The following PRKAG2 variants were observed in gnomAD, a reference collection of about 807,000 sequenced individuals.
PRKAG2 encodes protein kinase AMP-activated non-catalytic subunit gamma 2, also known as 5'-AMP-activated protein kinase subunit gamma-2.
Under a neutral mutation model 69.6 loss-of-function variants are expected in PRKAG2, and 26 were observed. The ratio of observed to expected loss-of-function variants is 0.37; its 90% CI spans 0.27 to 0.52. The LOEUF is 0.52. PRKAG2 is among the 20% of genes least tolerant of loss of function. The probability of loss-of-function intolerance (pLI) is 0.90; values close to 1 mark genes in which losing one functional copy is unlikely to be tolerated. For synonymous variants in PRKAG2, 293 were observed against 285.0 expected, an observed-to-expected ratio of 1.03 and a Z score of -0.28; for missense variants, 557 against 740.0, an observed-to-expected ratio of 0.75 and a Z score of 2.87.
Position 151,559,520 on chromosome 7 carries a change from C to T in PRKAG2, c.1678+1004G>A. The T allele has an allele frequency of 3.1e-6, 3 of 982,354 alleles. No homozygotes were observed. The South Asian group carries it at 1.4e-4, about 46-fold the overall frequency. The allele number at this position is 982,354 out of a possible 1,614,324, so 60.9% of individuals were successfully genotyped here. A position where few individuals can be genotyped will look rare whatever the true frequency, so the allele number is the denominator to read the frequency against. ...TAAATTCCAGGTGGTGGTGATGATG[C>T]CTGGCCTGAGGACCACCTCGGAAAA... On this transcript the variant is annotated intron_variant, in intron 15 of 15. Coordinates refer to ENST00000287878, the MANE Select transcript of PRKAG2 (RefSeq NM_016203.4).
chr7:151,873,949 G>A (rs1361188510), intron 1 of PRKAG2, among the ~76,000 whole-genome samples: 1 of 151,630 alleles, frequency 6.6e-6, no homozygotes, highest in East Asian at 1.9e-4. Flanking sequence ...AAAAAACTAG[G>A]TGTCTGATGT....
intron 3 of PRKAG2, among the ~76,000 whole-genome samples, chr7:151,770,799 G>C (rs889750481): frequency 9.9e-5 from 15 of 152,172 alleles, no homozygotes; most frequent in Admixed American, 4.6e-4. Context: ...GGAGCTGTAG[G>C]GGGGTGAGAT....
intron 15 of PRKAG2, chr7:151,560,261 G>A: frequency 1.5e-6 from 2 of 1,354,454 alleles, no homozygotes; most frequent in Non-Finnish European, 1.9e-6. Flanking sequence ...GATGAACATG[G>A]CAATGGCTCC....
intron 1 of PRKAG2, among the ~76,000 whole-genome samples, chr7:151,855,154 A>ACCGCCCT (rs2079699948): frequency 1.4e-5 from 1 of 71,512 alleles, no homozygotes; most frequent in Non-Finnish European, 2.6e-5. Flanking sequence ...CTACACACAC[A>ACCGCCCT]CCATCCTCCA....
At chr7:151,586,748 T>C (rs190871425) in intron 6 of PRKAG2, among the ~76,000 whole-genome samples, 1 of 152,218 alleles carries the variant, frequency 6.6e-6, no homozygotes, top group African/African-American at 2.4e-5. Context: ...CCTGGAACAA[T>C]AGGACCGGGG....
intron 14 of PRKAG2, among the ~76,000 whole-genome samples, chr7:151,562,690 G>A (rs996539439): frequency 1.3e-5 from 2 of 152,054 alleles, no homozygotes; most frequent in Non-Finnish European, 2.9e-5. Context: ...GATATTAGCC[G>A]GGTGCGGTGG....
chr7:151,641,244 CTTTTTTTTTT>C (rs374667332), intron 4 of PRKAG2, among the ~76,000 whole-genome samples: 2 of 105,710 alleles, frequency 1.9e-5, no homozygotes, highest in Non-Finnish European at 3.7e-5. Context: ...TTCTTTTTTC[CTTTTTTTTTT>C]TTTTTTTTTT....
rs1204882043 is a variant in PRKAG2 at position 151,774,016 on chromosome 7, A to T, written c.466+7136T>A. On this transcript the variant is annotated intron_variant, in intron 3 of 15. Coordinates refer to ENST00000287878, the MANE Select transcript of PRKAG2 (RefSeq NM_016203.4). ...TTTACAAAAAGAGGTGGCACGCCAG[A>T]TTTTGTCCCGGGGCTGATTTTGTCA... is the stretch of plus-strand genomic sequence containing the variant. Among the ~76,000 whole-genome samples the T allele has an allele frequency of 2.0e-5, 3 of 152,194 alleles. No homozygotes were observed. The East Asian group carries it at 5.8e-4, about 29-fold the overall frequency.
intron 1 of PRKAG2, among the ~76,000 whole-genome samples, chr7:151,857,145 A>C (rs2151902945): frequency 6.6e-6 from 1 of 151,476 alleles, no homozygotes; most frequent in African/African-American, 2.4e-5. Flanking sequence ...AAAAAAAAAA[A>C]AGCCCACAGG....
In PRKAG2 at chr7:151,781,994, G is replaced by A. The variant is rs559060315; in HGVS notation, c.187-563C>T. Among the ~76,000 whole-genome samples, 4 of 152,200 alleles carry A rather than the reference G, an allele frequency of 2.6e-5. No individual in the cohort carries two copies. Among genetic ancestry groups the A allele is most frequent in the East Asian group, 1.9e-4 (1 of 5,172 alleles). On this transcript the variant is annotated intron_variant, in intron 2 of 15. Coordinates refer to ENST00000287878, the MANE Select transcript of PRKAG2 (RefSeq NM_016203.4). The surrounding 1 kb of genome is among the most constrained non-coding windows in gnomAD (Gnocchi z 6.1). ...AGGAGAAAAGTTCACAAAGCCAGCCGGGTACGGTGACTCACGCCTGTAATC... is the reference window on the plus strand; with the variant it reads ...AGGAGAAAAGTTCACAAAGCCAGCCAGGTACGGTGACTCACGCCTGTAATC...
At chr7:151,643,573 G>A (rs1389189571) in intron 4 of PRKAG2, among the ~76,000 whole-genome samples, 1 of 152,194 alleles carries the variant, frequency 6.6e-6, no homozygotes, top group East Asian at 1.9e-4. Flanking sequence ...TCAAAAGGAA[G>A]TACAATATTC....
chr7:151,698,784 C>T lies in PRKAG2; in HGVS notation c.467-23147G>A, dbSNP rs182088787. ...GGACTAACACAATCTCCCAAACCAA[C>T]TCCCTGACCCTTGTCACCAGCTCTG... On this transcript the variant is annotated intron_variant, in intron 3 of 15. Transcript: ENST00000287878. Among the ~76,000 whole-genome samples the T allele has an allele frequency of 2.7e-3, 406 of 152,334 alleles. 1 individual carries two copies. Among genetic ancestry groups the T allele is most frequent in the Non-Finnish European group, 4.3e-3 (290 of 68,042 alleles).
chr7:151,870,619 G>A (rs187295394), intron 1 of PRKAG2, among the ~76,000 whole-genome samples: 132 of 152,272 alleles, frequency 8.7e-4, no homozygotes, highest in African/African-American at 2.0e-3. Flanking sequence ...GTCACGGTTC[G>A]ATCCTCCAGC....
At chr7:151,776,347 G>A (rs1263118754) in intron 3 of PRKAG2, among the ~76,000 whole-genome samples, 4 of 152,174 alleles carry the variant, frequency 2.6e-5, no homozygotes, top group Admixed American at 6.5e-5. Flanking sequence ...TGGTGTAACC[G>A]GGCTGTAACA....
intron 5 of PRKAG2, among the ~76,000 whole-genome samples, chr7:151,624,265 T>G (rs995074891): frequency 6.6e-6 from 1 of 151,764 alleles, no homozygotes; most frequent in Admixed American, 6.6e-5. Flanking sequence ...CTCAACCTCC[T>G]GGACTCAGGA....
At chr7:151,822,291 G>C (rs1007461221) in intron 1 of PRKAG2, among the ~76,000 whole-genome samples, 2 of 151,916 alleles carry the variant, frequency 1.3e-5, no homozygotes, top group Non-Finnish European at 1.5e-5. Flanking sequence ...AGGGCAGCAG[G>C]CCAGGGTCAA....
chr7:151,606,162 T>C (rs1817517358), intron 5 of PRKAG2, among the ~76,000 whole-genome samples: 1 of 152,164 alleles, frequency 6.6e-6, no homozygotes, highest in South Asian at 2.1e-4. Flanking sequence ...CCCAAACTTC[T>C]GGGATTACAG....
chr7:151,744,999 A>G (rs2074179581), intron 3 of PRKAG2, among the ~76,000 whole-genome samples: 1 of 152,146 alleles, frequency 6.6e-6, no homozygotes, highest in Non-Finnish European at 1.5e-5. Flanking sequence ...GTGCTCAGTG[A>G]TTTGCCCAGG....
At chr7:151,748,131 G>C (rs1313296486) in intron 3 of PRKAG2, among the ~76,000 whole-genome samples, 1 of 151,944 alleles carries the variant, frequency 6.6e-6, no homozygotes, top group East Asian at 1.9e-4. Flanking sequence ...ATGTTGCCCA[G>C]ACTGGTCTCA....
Sources: gnomAD v4.1 joint callset for allele counts (sites outside exome capture counted in the v4.1 genomes callset) on GRCh38, gnomAD v4.1.1 for gene constraint, Gnocchi (gnomAD v3.1) non-coding constraint, MANE v1.5 for transcripts, NCBI Gene and HGNC (gene_info 2026-07-23, HGNC 2026-07-21) for gene names.